Variants in CAB39 observed in about 807,000 individuals in gnomAD.
CAB39 encodes the protein calcium-binding protein 39.
A neutral mutation model predicts 40.0 loss-of-function variants in CAB39; 8 were observed. The observed-to-expected ratio is 0.20, with a 90% CI of 0.12 to 0.36. The LOEUF (loss-of-function observed/expected upper bound fraction) is 0.36, where lower values mean the gene tolerates loss of function less well. Ranked by LOEUF, CAB39 falls within the 10% of genes least tolerant of loss-of-function variation. CAB39 has a pLI of 1.00. For missense variants in CAB39, 270 were observed against 401.1 expected (o/e 0.67, Z 2.79); for synonymous variants, 156 against 141.6 (o/e 1.10, Z -0.72).
chr2:230,804,181 A>G (rs1696147049), intron 5 of CAB39, among the ~76,000 whole-genome samples: 1 of 152,254 alleles, frequency 6.6e-6, no homozygotes, highest in Non-Finnish European at 1.5e-5. Context: ...TGGTGCTGGG[A>G]AAACTGGCTA....
chr2:230,781,035 T>C (rs951335463), intron 2 of CAB39, among the ~76,000 whole-genome samples: 1 of 151,498 alleles, frequency 6.6e-6, no homozygotes, highest in African/African-American at 2.4e-5. Flanking sequence ...TGAGACATAA[T>C]TGCACCACGG....
At chr2:230,798,248 A>G (rs1696025543) in intron 4 of CAB39, among the ~76,000 whole-genome samples, 1 of 152,162 alleles carries the variant, frequency 6.6e-6, no homozygotes, top group African/African-American at 2.4e-5. Flanking sequence ...TCCAAGTACT[A>G]TCTTGAGTAT....
At chr2:230,742,090 C>G (rs1694887398) in intron 1 of CAB39, among the ~76,000 whole-genome samples, 1 of 152,174 alleles carries the variant, frequency 6.6e-6, no homozygotes, top group Non-Finnish European at 1.5e-5. Flanking sequence ...CATGCAGTTC[C>G]AAGCCTAGCA....
At chr2:230,739,908 T>G (rs936389716) in intron 1 of CAB39, among the ~76,000 whole-genome samples, 8 of 152,236 alleles carry the variant, frequency 5.3e-5, no homozygotes, top group African/African-American at 1.9e-4. Context: ...TCAGATTGAT[T>G]TTAAATCTTC....
At chr2:230,754,407 CCTT>C (rs1314525580) in intron 1 of CAB39, among the ~76,000 whole-genome samples, 3 of 144,200 alleles carry the variant, frequency 2.1e-5, no homozygotes, top group Admixed American at 2.1e-4. Flanking sequence ...CCCTTCCCCT[CCTT>C]CTTCCCCTTT....
chr2:230,781,588 CA>C (rs1208228018), intron 2 of CAB39, among the ~76,000 whole-genome samples: 2 of 152,120 alleles, frequency 1.3e-5, no homozygotes, highest in African/African-American at 4.8e-5. Flanking sequence ...GGAATGTGGT[CA>C]TTAAGGGTTC....
At chr2:230,753,217 A>G (rs1030062595) in intron 1 of CAB39, among the ~76,000 whole-genome samples, 1 of 152,244 alleles carries the variant, frequency 6.6e-6, no homozygotes, top group African/African-American at 2.4e-5. Context: ...CTAAATGTCC[A>G]TGCGGATTCA....
intron 2 of CAB39, among the ~76,000 whole-genome samples, chr2:230,790,200 C>A (rs1234294739): frequency 6.6e-6 from 1 of 151,996 alleles, no homozygotes; most frequent in African/African-American, 2.4e-5. Flanking sequence ...TGTGATCTCA[C>A]CACTGCACTC....
chr2:230,783,730 G>A (rs1695739296), intron 2 of CAB39, among the ~76,000 whole-genome samples: 1 of 152,034 alleles, frequency 6.6e-6, no homozygotes, highest in Non-Finnish European at 1.5e-5. Context: ...TCGAACTCCT[G>A]AGCTCAAGCC....
At chr2:230,726,591 C>T (rs908032373) in intron 1 of CAB39, among the ~76,000 whole-genome samples, 2 of 152,014 alleles carry the variant, frequency 1.3e-5, no homozygotes, top group African/African-American at 4.8e-5. Context: ...CATCCCTGTG[C>T]CTTAACCTTC....
chr2:230,794,163 T>A (rs62193642), intron 4 of CAB39, among the ~76,000 whole-genome samples: 43 of 152,224 alleles, frequency 2.8e-4, no homozygotes, highest in Non-Finnish European at 5.9e-4. Flanking sequence ...CCTGGCTTTA[T>A]AGCTTGCCTC....
intron 2 of CAB39, among the ~76,000 whole-genome samples, chr2:230,781,585 G>A (rs1341677195): frequency 2.0e-5 from 3 of 152,194 alleles, no homozygotes; most frequent in Admixed American, 6.5e-5. Context: ...CCTGGAATGT[G>A]GTCATTAAGG....
chr2:230,730,880 C>T (rs933510249), intron 1 of CAB39, among the ~76,000 whole-genome samples: 1 of 152,220 alleles, frequency 6.6e-6, no homozygotes, highest in Non-Finnish European at 1.5e-5. Flanking sequence ...ACATTTACCT[C>T]AGTATAGTAA....
chr2:230,770,312 A>G (rs1695460007), intron 2 of CAB39, among the ~76,000 whole-genome samples: 1 of 152,224 alleles, frequency 6.6e-6, no homozygotes, highest in Non-Finnish European at 1.5e-5. Context: ...CACAGATTGT[A>G]CAAGTTAATA....
At chr2:230,713,698 T>A (rs1694295444) in intron 1 of CAB39, 1 of 152,274 alleles carries the variant, frequency 6.6e-6, no homozygotes, top group African/African-American at 2.4e-5. Context: ...AACTGATTTC[T>A]GGTTAGGAAT....
At chr2:230,793,639 T>G (rs1298905794) in intron 4 of CAB39, among the ~76,000 whole-genome samples, 1 of 152,218 alleles carries the variant, frequency 6.6e-6, no homozygotes, top group Non-Finnish European at 1.5e-5. Flanking sequence ...TTTAAAAAAG[T>G]TGAATTTCAT....
rs192877647 is a variant in CAB39 at position 230,745,784 on chromosome 2, G to A, written c.-43-14175G>A. On this transcript the variant is annotated intron_variant, in intron 1 of 8. Transcript: ENST00000258418. ...TGGGACTACAGGCACATACCACCAC[G>A]CCCAGCTAATTTTTGTACTTTTAGT... Among the ~76,000 whole-genome samples, 318 of 151,916 alleles carry A rather than the reference G, an allele frequency of 2.1e-3. 1 individual carries two copies. Among genetic ancestry groups the A allele is most frequent in the African/African-American group, 7.3e-3 (301 of 41,400 alleles).
chr2:230,784,165 G>A (rs1385925096), intron 2 of CAB39, among the ~76,000 whole-genome samples: 2 of 152,154 alleles, frequency 1.3e-5, no homozygotes, highest in Admixed American at 6.5e-5. Context: ...AGCTATTGGG[G>A]CGAGGTGAAG....
At chr2:230,812,456 T>C (rs977162619) in intron 6 of CAB39, among the ~76,000 whole-genome samples, 1 of 152,242 alleles carries the variant, frequency 6.6e-6, no homozygotes, top group African/African-American at 2.4e-5. Context: ...GCCACATACA[T>C]ACTTTTCAGG....
Sources: gnomAD v4.1 joint callset for allele counts (sites outside exome capture counted in the v4.1 genomes callset) on GRCh38, gnomAD v4.1.1 for gene constraint, MANE v1.5 for transcripts, NCBI Gene and HGNC (gene_info 2026-07-23, HGNC 2026-07-21) for gene names.